The following SOBP variants were observed in gnomAD, a reference collection of about 807,000 sequenced individuals.
The protein encoded by SOBP is sine oculis binding protein homolog, also known as sine oculis-binding protein homolog.
SOBP carries 4 observed loss-of-function variants against 53.6 expected under a neutral mutation model. The observed-to-expected ratio is 0.07, with a 90% CI of 0.04 to 0.17. The LOEUF is 0.17. Ranked by LOEUF, SOBP falls within the 10% of genes least tolerant of loss-of-function variation. SOBP has a pLI of 1.00. For synonymous variants in SOBP, 584 were observed against 522.6 expected (o/e 1.12, Z -1.60); for missense variants, 1,088 against 1,204.7 (o/e 0.90, Z 1.43).
intron 4 of SOBP, among the ~76,000 whole-genome samples, chr6:107,557,220 AT>A (rs541005160): frequency 2.8e-4 from 43 of 152,318 alleles, no homozygotes; most frequent in African/African-American, 9.1e-4. Context: ...CATTTTAGAG[AT>A]TTTTTTCCTT....
intron 5 of SOBP, among the ~76,000 whole-genome samples, chr6:107,606,023 C>T (rs1786361690): frequency 6.7e-6 from 1 of 149,398 alleles, no homozygotes. Flanking sequence ...CACCCCCAAA[C>T]TCTTTCATAG....
chr6:107,632,910 C>T (rs1770779681), intron 5 of SOBP, among the ~76,000 whole-genome samples: 1 of 152,202 alleles, frequency 6.6e-6, no homozygotes, highest in Non-Finnish European at 1.5e-5. Flanking sequence ...TAGCTTGCTG[C>T]AACATCACAG....
At chr6:107,610,633 T>C (rs1426376008) in intron 5 of SOBP, among the ~76,000 whole-genome samples, 1 of 152,214 alleles carries the variant, frequency 6.6e-6, no homozygotes, top group Non-Finnish European at 1.5e-5. Context: ...GTTTTAAAGC[T>C]CTTGAGCATT....
rs567760032 is a variant in SOBP at position 107,539,344 on chromosome 6, A to C, written c.573+5734A>C. 7.9e-5 allele frequency among the ~76,000 whole-genome samples: 12 copies of C among 152,346 alleles called. No homozygotes were observed. In the East Asian group the frequency reaches 1.9e-3, roughly 24 times the overall value. ...TAGCTTCAAGCCCCAGTCTGTGTTCAACATTTTTCAGTGAGCGGAAGGAAG... is the reference window on the plus strand; with the variant it reads ...TAGCTTCAAGCCCCAGTCTGTGTTCCACATTTTTCAGTGAGCGGAAGGAAG... On this transcript the variant is annotated intron_variant, in intron 4 of 6. Coordinates refer to ENST00000317357, the MANE Select transcript of SOBP (RefSeq NM_018013.4).
intron 5 of SOBP, among the ~76,000 whole-genome samples, chr6:107,623,638 T>TA (rs1770322093): frequency 6.6e-6 from 1 of 152,182 alleles, no homozygotes; most frequent in South Asian, 2.1e-4. Context: ...CTTTGCTCTG[T>TA]AAAAAATACA....
intron 3 of SOBP, among the ~76,000 whole-genome samples, chr6:107,513,803 A>G (rs1783239574): frequency 6.6e-6 from 1 of 152,098 alleles, no homozygotes; most frequent in African/African-American, 2.4e-5. Flanking sequence ...GGACAGGAGG[A>G]ATTAACGATG....
chr6:107,530,234 A>G (rs1368173769), intron 3 of SOBP, among the ~76,000 whole-genome samples: 2 of 152,220 alleles, frequency 1.3e-5, no homozygotes, highest in Non-Finnish European at 2.9e-5. Flanking sequence ...AATTTAAAGC[A>G]GATCAAGTTA....
chr6:107,508,055 A>G (rs1189483015), intron 3 of SOBP, among the ~76,000 whole-genome samples: 4 of 152,238 alleles, frequency 2.6e-5, no homozygotes, highest in African/African-American at 9.6e-5. Context: ...GAATTGAACA[A>G]TGATAAATAC....
rs767265208 is a variant in SOBP, at chr6:107,503,782, T to A, written c.222T>A (p.Ile74=). The change falls in exon 2 of 7, where the codon ATT becomes ATA. Residue 74 remains isoleucine (I), a synonymous_variant. Transcript: ENST00000317357. The stretch of plus-strand genomic sequence containing the variant: ...CAGATGGGGAGAGCCGGCAGCACAT[T>A]TCTGTTCTCAAAGGTAATGACATTT... The part of the protein sequence containing the change: ...YPTDGESRQH[I]SVLKENSLPK... The A allele has an allele frequency of 1.5e-5, 24 of 1,613,948 alleles. No individual in the cohort carries two copies. Among genetic ancestry groups the A allele is most frequent in the Non-Finnish European group, 2.0e-5 (24 of 1,180,018 alleles).
chr6:107,570,748 A>T (rs1232731099), intron 4 of SOBP, among the ~76,000 whole-genome samples: 1 of 152,228 alleles, frequency 6.6e-6, no homozygotes, highest in Non-Finnish European at 1.5e-5. Flanking sequence ...GAGAGGAGAG[A>T]TTGATCCACA....
intron 4 of SOBP, among the ~76,000 whole-genome samples, chr6:107,564,114 C>T (rs955983513): frequency 1.1e-4 from 16 of 152,174 alleles, no homozygotes; most frequent in African/African-American, 3.9e-4. Context: ...GTGAATGTGA[C>T]AATGCACACC....
chr6:107,580,809 A>C (rs1161095749), intron 4 of SOBP, among the ~76,000 whole-genome samples: 1 of 152,196 alleles, frequency 6.6e-6, no homozygotes, highest in Admixed American at 6.5e-5. Context: ...TAGGAGGAGC[A>C]GGTGTTGGGC....
At chr6:107,576,384 C>T (rs1191952766) in intron 4 of SOBP, among the ~76,000 whole-genome samples, 1 of 152,226 alleles carries the variant, frequency 6.6e-6, no homozygotes, top group Non-Finnish European at 1.5e-5. Flanking sequence ...CATATTTCTT[C>T]CTAAAGAAAT....
intron 5 of SOBP, among the ~76,000 whole-genome samples, chr6:107,588,647 C>T (rs552254107): frequency 8.5e-5 from 13 of 152,266 alleles, no homozygotes; most frequent in African/African-American, 3.1e-4. Flanking sequence ...GCAAAAGTAA[C>T]ATGCCATATT....
In SOBP at chr6:107,490,173, G is replaced by GGCCCTTGCTCCCCGCGCCC; in HGVS notation, c.-443_-425dup. ...CACGCCCGGGGCCGCTCTCCGCGCCGGCCCTTGCTCCCCGCGCCCATGCGG... is the reference window on the plus strand; with the variant it reads ...CACGCCCGGGGCCGCTCTCCGCGCCGGCCCTTGCTCCCCGCGCCCGCCCTTGCTCCCCGCGCCCATGCGG... On this transcript the variant is annotated 5_prime_UTR_variant, in exon 1 of 7. Coordinates refer to ENST00000317357, the MANE Select transcript of SOBP (RefSeq NM_018013.4). 1.3e-5 allele frequency: 2 copies of GGCCCTTGCTCCCCGCGCCC among 149,320 alleles called. No homozygotes were observed. The highest frequency in any genetic ancestry group is 2.0e-4 in the East Asian group (1 of 5,090). The allele number at this position is 149,320 out of a possible 1,614,324, so 9.2% of individuals were successfully genotyped here. A position where few individuals can be genotyped will look rare whatever the true frequency, so the allele number is the denominator to read the frequency against.
rs1242006352 is a variant in SOBP at position 107,503,773 on chromosome 6, G to C, written c.213G>C (p.Arg71=). 2.5e-6 allele frequency: 4 copies of C among 1,614,120 alleles called. No homozygotes were observed. Among genetic ancestry groups the C allele is most frequent in the Non-Finnish European group, 2.5e-6 (3 of 1,180,024 alleles). Residue 71 remains arginine, a synonymous_variant, in exon 2 of 7, where the codon CGG becomes CGC. Transcript: ENST00000317357. The part of the protein sequence containing the change: ...FRSYPTDGES[R]QHISVLKENS... ...GCTACCCTACAGATGGGGAGAGCCG[G>C]CAGCACATTTCTGTTCTCAAAGGTA...
At position 107,533,588 on chromosome 6, in the gene SOBP, G is replaced by C. The variant is rs1322676046; in HGVS notation, c.551G>C (p.Arg184Pro). 6.2e-7 allele frequency: 1 copy of C among 1,614,134 alleles called. No homozygotes were observed. The highest frequency in any genetic ancestry group is 1.1e-5 in the South Asian group (1 of 91,080). ...GAGAAGTGCTTTGCGGCCTGCCGAC[G>C]AGCCTACTTCAAGAGAAATAAGGTA... ...CSEKCFAACR[R>P]AYFKRNKARD... The change falls in exon 4 of 7, where the codon CGA becomes CCA. Residue 184 changes from arginine (R) to proline (P), a missense_variant. Physicochemically the swap from Arg to Pro is moderately radical, Grantham distance 103. Coordinates refer to ENST00000317357, the MANE Select transcript of SOBP (RefSeq NM_018013.4).
At position 107,498,239 on chromosome 6, in the gene SOBP, T is replaced by C. The variant is rs183708093; in HGVS notation, c.97-5418T>C. ...GCAGTGAAAATGGGAATTATGTTTA[T>C]GGGGAGGGGAAGGGCATGACTTGCC... On this transcript the variant is annotated intron_variant, in intron 1 of 6. Transcript: ENST00000317357. Among the ~76,000 whole-genome samples, 78 of 152,268 alleles carry C rather than the reference T, an allele frequency of 5.1e-4. 1 individual carries two copies. Among genetic ancestry groups the C allele is most frequent in the African/African-American group, 1.8e-3 (75 of 41,562 alleles).
At chr6:107,560,488 C>A (rs1437557381) in intron 4 of SOBP, among the ~76,000 whole-genome samples, 1 of 152,108 alleles carries the variant, frequency 6.6e-6, no homozygotes, top group Non-Finnish European at 1.5e-5. Flanking sequence ...TCCAGGCCCA[C>A]CCTCCCTTTC....
Sources: gnomAD v4.1 joint callset for allele counts (sites outside exome capture counted in the v4.1 genomes callset) on GRCh38, gnomAD v4.1.1 for gene constraint, MANE v1.5 for transcripts, NCBI Gene and HGNC (gene_info 2026-07-23, HGNC 2026-07-21) for gene names.